The following CARS2 variants were observed in gnomAD, a reference collection of about 807,000 sequenced individuals.
CARS2 encodes probable cysteine--tRNA ligase, mitochondrial.
Under a neutral mutation model 68.8 loss-of-function variants are expected in CARS2, and 52 were observed. The ratio of observed to expected loss-of-function variants is 0.76; its 90% CI spans 0.61 to 0.95. CARS2 has a LOEUF of 0.95. Ranked by LOEUF, CARS2 falls within the 40% of genes least tolerant of loss-of-function variation. The probability of loss-of-function intolerance (pLI) is 0.00; values close to 1 mark genes in which losing one functional copy is unlikely to be tolerated. For synonymous variants in CARS2, 314 were observed against 303.6 expected (o/e 1.03, Z -0.36); for missense variants, 780 against 754.2 (o/e 1.03, Z -0.40).
Position 110,687,954 on chromosome 13 carries a change from G to A in CARS2, c.458C>T (p.Ala153Val), listed in dbSNP as rs2063351289. The A allele has an allele frequency of 6.2e-7, 1 of 1,612,372 alleles. No homozygotes were observed. The highest frequency in any genetic ancestry group is 8.5e-7 in the Non-Finnish European group (1 of 1,179,008). Reference sequence around the variant, plus strand: ...ACCAGCCCCACACTTTACCTTCAGGGCTGCCATGTCCTGCTTGAAGTCTTC... The same window carrying A: ...ACCAGCCCCACACTTTACCTTCAGGACTGCCATGTCCTGCTTGAAGTCTTC... ...YEEDFKQDMA[A>V]LKVLPPTVYL... Residue 153 changes from alanine to valine, a missense_variant, in exon 4 of 15, where the codon GCC (alanine) becomes GTC (valine). Transcript: ENST00000257347.
chr13:110,644,473 C>T lies in CARS2; in HGVS notation c.1328G>A (p.Gly443Glu), dbSNP rs775556715. 3 of 1,613,878 alleles carry T rather than the reference C, an allele frequency of 1.9e-6. No homozygotes were observed. The highest frequency in any genetic ancestry group is 2.5e-6 in the Non-Finnish European group (3 of 1,180,012). Residue 443 changes from glycine (G) to glutamate (E), a missense_variant, in exon 13 of 15, where the codon GGG becomes GAG. Transcript: ENST00000257347. ...ACCAAACACAGCAGGACTTCTCGGCCCTTCAGGTTCCTGTAAGAGATCATG... is the reference window on the plus strand; with the variant it reads ...ACCAAACACAGCAGGACTTCTCGGCTCTTCAGGTTCCTGTAAGAGATCATG... Reference protein sequence around the residue: ...QLRASLKEPEGPRSPAVFGAI... With the variant: ...QLRASLKEPEEPRSPAVFGAI...
At chr13:110,673,489 A>G (rs1349326471) in intron 7 of CARS2, among the ~76,000 whole-genome samples, 6 of 152,234 alleles carry the variant, frequency 3.9e-5, no homozygotes, top group African/African-American at 9.6e-5. Flanking sequence ...AGATGCAGAA[A>G]AGGCCTTTTG....
At chr13:110,692,688 A>AGGCG in intron 3 of CARS2, among the ~76,000 whole-genome samples, 1 of 151,062 alleles carries the variant, frequency 6.6e-6, no homozygotes, top group East Asian at 2.0e-4. Context: ...GGTGGCATAT[A>AGGCG]CCTGTAGTCC....
chr13:110,680,922 G>A (rs1377865686), intron 6 of CARS2, among the ~76,000 whole-genome samples: 5 of 152,246 alleles, frequency 3.3e-5, no homozygotes, highest in East Asian at 1.9e-4. Flanking sequence ...GGGCAGAGAG[G>A]CTGGCAGGCA....
At chr13:110,652,736 C>T (rs2062251300) in intron 9 of CARS2, among the ~76,000 whole-genome samples, 1 of 152,190 alleles carries the variant, frequency 6.6e-6, no homozygotes, top group Admixed American at 6.5e-5. Flanking sequence ...TGGGCCAATG[C>T]CCTAACACAG....
intron 13 of CARS2, 105 bp downstream of exon 13, chr13:110,644,280 A>G (rs1361305741): frequency 1.5e-6 from 2 of 1,344,800 alleles, no homozygotes; most frequent in African/African-American, 1.4e-5. Flanking sequence ...AGGTAAATAC[A>G]TTAGTGTGGC....
At chr13:110,712,444 C>A (rs929577582) in intron 1 of CARS2, 6 of 190,558 alleles carry the variant, frequency 3.1e-5, no homozygotes, top group African/African-American at 1.2e-4. Context: ...AGGCCGAAGC[C>A]GAGGCCGCCC....
At chr13:110,646,525 G>T in intron 11 of CARS2, 1 of 170,986 alleles carries the variant, frequency 5.8e-6, no homozygotes, top group Non-Finnish European at 1.2e-5. Flanking sequence ...TGGCAGGGGT[G>T]GGTTATCACC....
At chr13:110,655,259 A>G (rs1013780052) in intron 9 of CARS2, among the ~76,000 whole-genome samples, 2 of 152,248 alleles carry the variant, frequency 1.3e-5, no homozygotes, top group African/African-American at 4.8e-5. Flanking sequence ...CAACAGGGAA[A>G]TAAAATCACG....
At chr13:110,682,062 T>G (rs553689881) in intron 6 of CARS2, among the ~76,000 whole-genome samples, 2 of 151,722 alleles carry the variant, frequency 1.3e-5, no homozygotes, top group South Asian at 2.1e-4. Context: ...TGATGCCAAC[T>G]CTGGTCTCTG....
At chr13:110,708,133 C>G (rs188944527), upstream of CARS2, among the ~76,000 whole-genome samples, 16 of 139,606 alleles carry the variant, frequency 1.1e-4, no homozygotes, top group East Asian at 3.5e-3. Context: ...GCACTAAATT[C>G]AGAAAAGGAC....
In CARS2 at chr13:110,676,307, G is replaced by A. The variant is rs568050532; in HGVS notation, c.785+667C>T. Among the ~76,000 whole-genome samples the A allele has an allele frequency of 6.6e-6, 1 of 152,338 alleles. No homozygotes were observed. Among genetic ancestry groups the A allele is most frequent in the African/African-American group, 2.4e-5 (1 of 41,582 alleles). ...CACAGGGTGTGGACACCTCAGGTGC[G>A]TCCAAGGGGACCAGGGAGAAGGCGG... is the stretch of plus-strand genomic sequence containing the variant. On this transcript the variant is annotated intron_variant, in intron 7 of 14. Coordinates refer to ENST00000257347, the MANE Select transcript of CARS2 (RefSeq NM_024537.4). The surrounding 1 kb of genome is among the most constrained non-coding windows in gnomAD (Gnocchi z 4.0).
chr13:110,665,438 T>C lies in CARS2; in HGVS notation c.919+1902A>G. On this transcript the variant is annotated intron_variant, in intron 8 of 14. Coordinates refer to ENST00000257347, the MANE Select transcript of CARS2 (RefSeq NM_024537.4). This position sits in a 1 kb window ranked among gnomAD's most constrained non-coding sequence, Gnocchi z 4.3. ...TCCCAGGCTGGGGGACGGAGCGAAA[T>C]TGTTTCAACAACAACAGCAAATGCT... 1.2e-5 allele frequency: 12 copies of C among 985,316 alleles called. No individual in the cohort carries two copies. Among genetic ancestry groups the C allele is most frequent in the Non-Finnish European group, 1.4e-5 (12 of 829,906 alleles). The allele number at this position is 985,316 out of a possible 1,614,324, so 61.0% of individuals were successfully genotyped here. A position where few individuals can be genotyped will look rare whatever the true frequency, so the allele number is the denominator to read the frequency against.
chr13:110,712,863 T>A, intron 1 of CARS2: 1 of 1,279,048 alleles, frequency 7.8e-7, no homozygotes, highest in South Asian at 1.3e-5. Flanking sequence ...CCCCTTTGTC[T>A]CCAAGCCGTT....
Position 110,653,526 on chromosome 13 carries a change from T to A in CARS2, c.988-2426A>T, listed in dbSNP as rs1025579134. Reference sequence around the variant, plus strand: ...CACAAGCAGCCTCCACGCTCCCCACTTCATTCCAAAAACGATTTCACCTGG... The same window carrying A: ...CACAAGCAGCCTCCACGCTCCCCACATCATTCCAAAAACGATTTCACCTGG... On this transcript the variant is annotated intron_variant, in intron 9 of 14. Coordinates refer to ENST00000257347, the MANE Select transcript of CARS2 (RefSeq NM_024537.4). The surrounding 1 kb of genome is among the most constrained non-coding windows in gnomAD (Gnocchi z 5.6). Among the ~76,000 whole-genome samples, 1 of 152,154 alleles carries A rather than the reference T, an allele frequency of 6.6e-6. No homozygotes were observed. Among genetic ancestry groups the A allele is most frequent in the Non-Finnish European group, 1.5e-5 (1 of 68,024 alleles).
At chr13:110,667,246 A>T (rs1406341217) in intron 8 of CARS2, 94 bp downstream of exon 8, 9 of 1,134,014 alleles carry the variant, frequency 7.9e-6, no homozygotes, top group African/African-American at 1.6e-5. Flanking sequence ...CTATTAGCTG[A>T]TCTACTATGT....
chr13:110,663,571 C>T (rs1427139348), intron 8 of CARS2, 53 bp from the exon 9 acceptor site: 1 of 1,598,236 alleles, frequency 6.3e-7, no homozygotes, highest in Non-Finnish European at 8.5e-7. Context: ...GACTCTCTGG[C>T]CTCAGGGACA....
rs1441099124 is a variant in CARS2, at chr13:110,705,643, G to A, written c.225-72C>T. 6.6e-7 allele frequency: 1 copy of A among 1,503,764 alleles called. No homozygotes were observed. Among genetic ancestry groups the A allele is most frequent in the Non-Finnish European group, 9.2e-7 (1 of 1,082,522 alleles). The allele number at this position is 1,503,764 out of a possible 1,614,324, so 93.2% of individuals were successfully genotyped here. A position where few individuals can be genotyped will look rare whatever the true frequency, so the allele number is the denominator to read the frequency against. The stretch of plus-strand genomic sequence containing the variant: ...AGGACATTCGATTCTGAGTTATAAT[G>A]ATCATATAATTTTTAAAGTAATCAC... On this transcript the variant is annotated intron_variant, in intron 1 of 14. Transcript: ENST00000257347. The surrounding 1 kb of genome is among the most constrained non-coding windows in gnomAD (Gnocchi z 4.0).
chr13:110,679,296 G>A (rs748124861), intron 6 of CARS2, among the ~76,000 whole-genome samples: 11 of 152,054 alleles, frequency 7.2e-5, no homozygotes, highest in Non-Finnish European at 1.2e-4. Flanking sequence ...TTGGGAGGCC[G>A]AGGCGGGCGG....
Sources: gnomAD v4.1 joint callset for allele counts (sites outside exome capture counted in the v4.1 genomes callset) on GRCh38, gnomAD v4.1.1 for gene constraint, Gnocchi (gnomAD v3.1) non-coding constraint, MANE v1.5 for transcripts, NCBI Gene and HGNC (gene_info 2026-07-23, HGNC 2026-07-21) for gene names.